Variants in NDC1 observed in about 807,000 individuals in gnomAD.
The protein encoded by NDC1 is nucleoporin NDC1.
A neutral mutation model predicts 89.8 loss-of-function variants in NDC1; 24 were observed. The ratio of observed to expected loss-of-function variants is 0.27; its 90% CI spans 0.19 to 0.38. NDC1 has a LOEUF of 0.38. Ranked by LOEUF, NDC1 falls within the 10% of genes least tolerant of loss-of-function variation. The pLI is 1.00. For missense variants in NDC1, 728 were observed against 797.6 expected (o/e 0.91, Z 1.05); for synonymous variants, 296 against 284.8 (o/e 1.04, Z -0.39).
Position 53,797,069 on chromosome 1 carries a change from A to C in NDC1, c.1298T>G (p.Leu433Arg), listed in dbSNP as rs771307875. 6.2e-7 allele frequency: 1 copy of C among 1,614,178 alleles called. No homozygotes were observed. Among genetic ancestry groups the C allele is most frequent in the Non-Finnish European group, 8.5e-7 (1 of 1,180,020 alleles). The change falls in exon 12 of 18, where the codon CTG becomes CGG. Residue 433 changes from leucine (L) to arginine (R), a missense_variant. Physicochemically the swap from Leu to Arg is moderately radical, Grantham distance 102. Coordinates refer to ENST00000371429, the MANE Select transcript of NDC1 (RefSeq NM_018087.5). ...PSVPPLVKTSLFSSKLSTPDV... is the reference protein window; with the variant it reads ...PSVPPLVKTSRFSSKLSTPDV... ...AGGTGTAGATAATTTTGAAGAAAAC[A>C]GTGATGTTTTAACTAATGGTGGCAC...
intron 16 of NDC1, among the ~76,000 whole-genome samples, chr1:53,780,864 T>C (rs771293399): frequency 1.3e-5 from 1 of 77,956 alleles, no homozygotes; most frequent in Non-Finnish European, 2.4e-5. Context: ...TTTTTCTTTC[T>C]TTTTTTTTTT....
chr1:53,807,631 A>C, intron 8 of NDC1, 25 bp downstream of exon 8: 1 of 1,584,294 alleles, frequency 6.3e-7, no homozygotes, highest in Non-Finnish European at 8.6e-7. Context: ...AAAAGTATTA[A>C]GAAAAAATAT....
At chr1:53,797,972 G>A (rs903675365) in intron 11 of NDC1, among the ~76,000 whole-genome samples, 1 of 151,840 alleles carries the variant, frequency 6.6e-6, no homozygotes, top group African/African-American at 2.4e-5. Flanking sequence ...AGGCTAATTT[G>A]CCCAGAATAT....
At chr1:53,829,868 G>T (rs938379673) in intron 3 of NDC1, among the ~76,000 whole-genome samples, 2 of 152,206 alleles carry the variant, frequency 1.3e-5, no homozygotes, top group Admixed American at 6.5e-5. Context: ...AATTAAGAAA[G>T]CAGGCTGAGT....
chr1:53,791,399 G>A (rs544189437), intron 14 of NDC1, among the ~76,000 whole-genome samples: 5 of 147,984 alleles, frequency 3.4e-5, no homozygotes, highest in South Asian at 2.1e-4. Flanking sequence ...TCGCGCCACC[G>A]CACTCCAGCC....
At chr1:53,824,616 C>T (rs1648785202) in intron 5 of NDC1, among the ~76,000 whole-genome samples, 1 of 152,148 alleles carries the variant, frequency 6.6e-6, no homozygotes, top group Admixed American at 6.5e-5. Context: ...AAACAGGCTG[C>T]GAAGAGCCCT....
intron 16 of NDC1, among the ~76,000 whole-genome samples, chr1:53,773,095 CAA>C (rs1210784686): frequency 6.5e-4 from 42 of 64,356 alleles, no homozygotes; most frequent in Admixed American, 1.5e-3. Context: ...AAGACCTCAG[CAA>C]AAAAAAAAAA....
chr1:53,800,869 C>A, intron 10 of NDC1, 21 bp from the exon 11 acceptor site: 1 of 1,548,310 alleles, frequency 6.5e-7, no homozygotes, highest in East Asian at 2.3e-5. Context: ...CAAACACCAG[C>A]TTTTAAAATG....
chr1:53,825,066 C>T (rs557789979), intron 5 of NDC1, among the ~76,000 whole-genome samples: 17 of 152,174 alleles, frequency 1.1e-4, no homozygotes, highest in African/African-American at 3.6e-4. Context: ...CCCAGATACT[C>T]GGGCAGACTG....
rs1164790910 is a variant in NDC1 at position 53,836,252 on chromosome 1, C to A, written c.58-632G>T. Reference sequence around the variant, plus strand: ...AGAGACAATGCAGTTAGGAGGCAGTCCACCAAAAAGCTGAGGCCGGGCGTG... The same window carrying A: ...AGAGACAATGCAGTTAGGAGGCAGTACACCAAAAAGCTGAGGCCGGGCGTG... On this transcript the variant is annotated intron_variant, in intron 1 of 17. Transcript: ENST00000371429. 2.0e-5 allele frequency among the ~76,000 whole-genome samples: 3 copies of A among 152,060 alleles called. No homozygotes were observed. In the East Asian group the frequency reaches 5.8e-4, roughly 30 times the overall value.
Position 53,797,107 on chromosome 1 carries a change from C to T in NDC1, c.1260G>A (p.Met420Ile). 6.2e-7 allele frequency: 1 copy of T among 1,614,160 alleles called. No homozygotes were observed. Among genetic ancestry groups the T allele is most frequent in the Non-Finnish European group, 8.5e-7 (1 of 1,180,008 alleles). ...CTAATGGTGGCACTGAAGGCCGAGG[C>T]ATCTGGCTAGATTTTGGTGTCTGAA... ...TAFQTPKSSQ[M>I]PRPSVPPLVK... Residue 420 changes from methionine (M) to isoleucine (I), a missense_variant, in exon 12 of 18, where the codon ATG becomes ATA. Transcript: ENST00000371429.
chr1:53,768,533 T>C (rs1647085267), intron 17 of NDC1, among the ~76,000 whole-genome samples: 1 of 152,196 alleles, frequency 6.6e-6, no homozygotes. Flanking sequence ...ATAAGTTATG[T>C]TTTGGATGTG....
chr1:53,795,848 G>A (rs1264977366), intron 13 of NDC1, among the ~76,000 whole-genome samples: 1 of 152,124 alleles, frequency 6.6e-6, no homozygotes, highest in African/African-American at 2.4e-5. Context: ...ATTCTTGTGG[G>A]CAAGACCATA....
intron 10 of NDC1, 132 bp from the exon 11 acceptor site, chr1:53,800,980 A>G: frequency 1.4e-6 from 1 of 705,376 alleles, no homozygotes; most frequent in Non-Finnish European, 2.3e-6. Context: ...TGAAGCTACT[A>G]TTTATACTCA....
chr1:53,808,279 A>C (rs552852036), intron 7 of NDC1, among the ~76,000 whole-genome samples: 1 of 152,242 alleles, frequency 6.6e-6, no homozygotes. Flanking sequence ...TGCTAAGTAA[A>C]GCTAATGCTG....
At chr1:53,799,075 G>A (rs934553373) in intron 11 of NDC1, among the ~76,000 whole-genome samples, 3 of 152,100 alleles carry the variant, frequency 2.0e-5, no homozygotes, top group African/African-American at 4.8e-5. Flanking sequence ...TCTTTCCAAC[G>A]CTAATTTGAT....
chr1:53,791,803 T>C (rs567606914), intron 14 of NDC1, among the ~76,000 whole-genome samples: 4 of 152,348 alleles, frequency 2.6e-5, no homozygotes, highest in Admixed American at 1.3e-4. Flanking sequence ...ATGACTCCTC[T>C]GAGCCTCAGG....
intron 3 of NDC1, among the ~76,000 whole-genome samples, chr1:53,829,434 T>A (rs1648979919): frequency 6.6e-6 from 1 of 152,228 alleles, no homozygotes; most frequent in African/African-American, 2.4e-5. Flanking sequence ...TCTACTTAAT[T>A]CAACTCATCC....
chr1:53,800,332 CTTTTTT>C (rs1158363485), intron 11 of NDC1, among the ~76,000 whole-genome samples: 1 of 80,646 alleles, frequency 1.2e-5, no homozygotes, highest in Non-Finnish European at 2.2e-5. Context: ...CTACAGTCAT[CTTTTTT>C]TTTTTTTTTT....
Sources: allele counts gnomAD v4.1 joint callset (sites outside exome capture counted in the v4.1 genomes callset), GRCh38; gene constraint gnomAD v4.1.1; transcripts MANE v1.5; gene names NCBI Gene and HGNC (gene_info 2026-07-23, HGNC 2026-07-21).